Variants in SHISA9 observed in about 807,000 individuals in gnomAD.
SHISA9 encodes the protein shisa family member 9, also known as protein shisa-9.
In SHISA9, 13 loss-of-function variants were observed where a neutral mutation model predicts 38.0. The ratio of observed to expected loss-of-function variants is 0.34; its 90% CI spans 0.22 to 0.54. The LOEUF is 0.54. Among genes scored for constraint, SHISA9 ranks in the 20% least tolerant of loss-of-function variants. The pLI is 0.91. For missense variants in SHISA9, 538 were observed against 575.8 expected (o/e 0.93, Z 0.67); for synonymous variants, 275 against 242.0 (o/e 1.14, Z -1.27).
At chr16:13,561,490 A>T in the SHISA9 span, among the ~76,000 whole-genome samples, 1 of 152,356 alleles carries the variant, frequency 6.6e-6, no homozygotes, top group Admixed American at 6.5e-5. Context: ...GAACCTCTCC[A>T]TGTTCCGTTG....
At chr16:13,044,924 T>C (rs965113549) in intron 2 of SHISA9, among the ~76,000 whole-genome samples, 5 of 152,216 alleles carry the variant, frequency 3.3e-5, no homozygotes, top group African/African-American at 1.2e-4. Context: ...ATATTTGCTA[T>C]TTGAAAAGTG....
intron 2 of SHISA9, among the ~76,000 whole-genome samples, chr16:13,120,108 G>C (rs2074070349): frequency 6.6e-6 from 1 of 152,152 alleles, no homozygotes; most frequent in African/African-American, 2.4e-5. Flanking sequence ...ACGAGAGGAA[G>C]GGGACAGATA....
chr16:13,278,679 C>G, the SHISA9 span, among the ~76,000 whole-genome samples: 1 of 152,026 alleles, frequency 6.6e-6, no homozygotes, highest in Non-Finnish European at 1.5e-5. Flanking sequence ...TCCATCTCTT[C>G]TAGGTTTTCT....
the SHISA9 span, among the ~76,000 whole-genome samples, chr16:13,528,118 T>C: frequency 6.6e-6 from 1 of 152,126 alleles, no homozygotes; most frequent in Non-Finnish European, 1.5e-5. Context: ...TTAATCAGAA[T>C]TCCTTTCCCT....
chr16:13,027,234 T>C (rs2072933835), intron 2 of SHISA9, among the ~76,000 whole-genome samples: 1 of 152,230 alleles, frequency 6.6e-6, no homozygotes, highest in African/African-American at 2.4e-5. Flanking sequence ...GAGGATGGAC[T>C]CCATCAATAT....
intron 2 of SHISA9, among the ~76,000 whole-genome samples, chr16:12,937,908 C>T (rs569813003): frequency 1.0e-3 from 153 of 152,138 alleles, no homozygotes; most frequent in African/African-American, 3.5e-3. Flanking sequence ...TATCTTTTGC[C>T]CTTTTGCTGT....
At chr16:13,117,663 G>A (rs2074043923) in intron 2 of SHISA9, among the ~76,000 whole-genome samples, 1 of 152,156 alleles carries the variant, frequency 6.6e-6, no homozygotes, top group South Asian at 2.1e-4. Context: ...AGGAGACAAG[G>A]GATGGGTTCT....
chr16:12,942,001 G>A (rs2071618413), intron 2 of SHISA9, among the ~76,000 whole-genome samples: 1 of 152,146 alleles, frequency 6.6e-6, no homozygotes, highest in Non-Finnish European at 1.5e-5. Flanking sequence ...TTTCTGTTTG[G>A]CTTTGTAAGG....
intron 2 of SHISA9, among the ~76,000 whole-genome samples, chr16:13,007,249 C>G (rs985051289): frequency 1.3e-5 from 2 of 152,186 alleles, no homozygotes; most frequent in African/African-American, 2.4e-5. Context: ...CCATCCCTTT[C>G]TCCTGTGTTA....
the SHISA9 span, among the ~76,000 whole-genome samples, chr16:13,540,682 A>G: frequency 6.6e-6 from 1 of 152,236 alleles, no homozygotes; most frequent in Non-Finnish European, 1.5e-5. Flanking sequence ...AACCCAAAGT[A>G]AGACATTCCT....
At chr16:13,092,309 T>C (rs1350825579) in intron 2 of SHISA9, among the ~76,000 whole-genome samples, 1 of 152,180 alleles carries the variant, frequency 6.6e-6, no homozygotes, top group African/African-American at 2.4e-5. Context: ...AGTCTGTCTG[T>C]TCTCAGAGCT....
intron 2 of SHISA9, among the ~76,000 whole-genome samples, chr16:13,054,022 C>A (rs774841196): frequency 3.3e-5 from 5 of 152,174 alleles, no homozygotes; most frequent in Non-Finnish European, 7.3e-5. Flanking sequence ...CTCTCTCTTT[C>A]ATATAACCTG....
At chr16:13,137,466 T>TA (rs1294068872) in intron 2 of SHISA9, among the ~76,000 whole-genome samples, 2 of 151,992 alleles carry the variant, frequency 1.3e-5, no homozygotes, top group African/African-American at 2.4e-5. Context: ...TTTTTATTTT[T>TA]TTTTTTTTGA....
the SHISA9 span, among the ~76,000 whole-genome samples, chr16:13,320,320 A>AAAAAT: frequency 6.7e-6 from 1 of 148,170 alleles, no homozygotes; most frequent in Non-Finnish European, 1.5e-5. Flanking sequence ...AAAAAAAAAA[A>AAAAAT]GTAGGCAAAA....
At position 13,235,291 on chromosome 16, in the gene SHISA9, A is replaced by G. The variant is rs1287761887; in HGVS notation, c.1157A>G (p.Lys386Arg). 1 of 1,551,498 alleles carries G rather than the reference A, an allele frequency of 6.4e-7. No homozygotes were observed. The highest frequency in any genetic ancestry group is 8.7e-7 in the Non-Finnish European group (1 of 1,147,014). ...CTCCGGCGGCAGGCTTACAGCAACAAGGGCAAGCTTGGCACGGCCGAGACA... is the reference window on the plus strand; with the variant it reads ...CTCCGGCGGCAGGCTTACAGCAACAGGGGCAAGCTTGGCACGGCCGAGACA... ...QSLRRQAYSN[K>R]GKLGTAETGS... The change falls in exon 5 of 5, where the codon AAG (lysine) becomes AGG (arginine). Residue 386 changes from lysine (K) to arginine (R), a missense_variant. By Grantham distance (26) the Lys-to-Arg change is conservative. Coordinates refer to ENST00000558583, the MANE Select transcript of SHISA9 (RefSeq NM_001145204.3).
At chr16:12,930,956 C>G (rs1416818010) in intron 2 of SHISA9, among the ~76,000 whole-genome samples, 2 of 152,158 alleles carry the variant, frequency 1.3e-5, no homozygotes, top group African/African-American at 4.8e-5. Flanking sequence ...TAAAATCAAG[C>G]ACTTACCTAC....
the SHISA9 span, among the ~76,000 whole-genome samples, chr16:13,479,350 G>A: frequency 6.6e-6 from 1 of 152,122 alleles, no homozygotes; most frequent in African/African-American, 2.4e-5. Flanking sequence ...GGGTATTAAG[G>A]TAAAGACATG....
chr16:13,245,772 T>C, the SHISA9 span, among the ~76,000 whole-genome samples: 2 of 152,152 alleles, frequency 1.3e-5, no homozygotes, highest in Non-Finnish European at 1.5e-5. Context: ...TTAAATGTCC[T>C]CACTTCTCCC....
intron 2 of SHISA9, among the ~76,000 whole-genome samples, chr16:13,075,789 T>G (rs767742406): frequency 6.6e-6 from 1 of 152,202 alleles, no homozygotes; most frequent in Admixed American, 6.5e-5. Context: ...ACACAGCTGG[T>G]AAGACAGAAG....
Sources: allele counts gnomAD v4.1 joint callset (sites outside exome capture counted in the v4.1 genomes callset), GRCh38; gene constraint gnomAD v4.1.1; transcripts MANE v1.5; gene names NCBI Gene and HGNC (gene_info 2026-07-23, HGNC 2026-07-21).